The following NR1I2 variants were observed in gnomAD, a reference collection of about 807,000 sequenced individuals.
NR1I2 encodes orphan nuclear receptor PAR1.
A neutral mutation model predicts 43.3 loss-of-function variants in NR1I2; 42 were observed. That is an observed-to-expected ratio of 0.97 (90% CI 0.76 to 1.26). The LOEUF (loss-of-function observed/expected upper bound fraction) is 1.26. Ranked by LOEUF, NR1I2 falls within the 50% of genes most tolerant of loss-of-function variation. NR1I2 has a pLI of 0.00. For synonymous variants in NR1I2, 229 were observed against 215.0 expected (o/e 1.06, Z -0.57); for missense variants, 559 against 566.7 (o/e 0.99, Z 0.14).
At chr3:119,789,745 C>A (rs1399859544) in intron 1 of NR1I2, among the ~76,000 whole-genome samples, 2 of 152,182 alleles carry the variant, frequency 1.3e-5, no homozygotes, top group African/African-American at 2.4e-5. Context: ...CCTGCCTTCT[C>A]TCTGAGTGCA....
At chr3:119,782,979 G>A (rs2054797377) in intron 1 of NR1I2, 3 of 793,450 alleles carry the variant, frequency 3.8e-6, no homozygotes, top group African/African-American at 3.4e-5. Flanking sequence ...TGAAGCTATG[G>A]CCAGAGGCAC....
intron 1 of NR1I2, among the ~76,000 whole-genome samples, chr3:119,801,269 C>T (rs987610309): frequency 1.4e-4 from 22 of 152,240 alleles, no homozygotes; most frequent in African/African-American, 4.8e-4. Flanking sequence ...AAAGCCCTCT[C>T]TGAAGAAGTG....
chr3:119,814,974 G>A lies in NR1I2; in HGVS notation c.795-5G>A. ...CTGTCCTCCCCTCCCCATCCTTGCT[G>A]CCAGGGACTTGCCCATCGAGGACCA... is the stretch of plus-strand genomic sequence containing the variant. On this transcript the variant is annotated splice_polypyrimidine_tract_variant and splice_region_variant and intron_variant, in intron 5 of 8. Coordinates refer to ENST00000393716, the MANE Select transcript of NR1I2 (RefSeq NM_003889.4). 6.2e-7 allele frequency: 1 copy of A among 1,614,082 alleles called. No individual in the cohort carries two copies. The highest frequency in any genetic ancestry group is 8.5e-7 in the Non-Finnish European group (1 of 1,180,026).
intron 1 of NR1I2, among the ~76,000 whole-genome samples, chr3:119,802,518 T>G (rs1236604000): frequency 6.6e-6 from 1 of 152,200 alleles, no homozygotes; most frequent in African/African-American, 2.4e-5. Flanking sequence ...CCATCTTCAA[T>G]TGTCCAAAGT....
At chr3:119,794,663 C>T (rs114799774) in intron 1 of NR1I2, among the ~76,000 whole-genome samples, 54 of 152,258 alleles carry the variant, frequency 3.5e-4, no homozygotes, top group African/African-American at 1.1e-3. Context: ...CCAGGCCAAG[C>T]GCCATGGTTC....
At chr3:119,784,717 C>T (rs2054820458) in intron 1 of NR1I2, among the ~76,000 whole-genome samples, 1 of 152,124 alleles carries the variant, frequency 6.6e-6, no homozygotes, top group Non-Finnish European at 1.5e-5. Flanking sequence ...TACATTATTT[C>T]AATACTATTT....
At chr3:119,789,424 A>AG (rs775960299) in intron 1 of NR1I2, among the ~76,000 whole-genome samples, 1 of 152,192 alleles carries the variant, frequency 6.6e-6, no homozygotes, top group Non-Finnish European at 1.5e-5. Flanking sequence ...ACATGGTGTC[A>AG]GGCAAGAGAG....
rs2055180152 is a variant in NR1I2, at chr3:119,807,596, A to G, written c.197+149A>G. 4.3e-6 allele frequency: 3 copies of G among 694,338 alleles called. No homozygotes were observed. In the African/African-American group the frequency reaches 5.3e-5, roughly 12 times the overall value. 43.0% of individuals were successfully genotyped at this position (694,338 alleles called of 1,614,324 possible). A position where few individuals can be genotyped will look rare whatever the true frequency, so the allele number is the denominator to read the frequency against. On this transcript the variant is annotated intron_variant, in intron 2 of 8. Transcript: ENST00000393716. ...GTAATTAGTCTCAAGGGAGCCATTT[A>G]TATCCCAGAGGAATCCTTCATCTTC...
At chr3:119,792,393 G>A in intron 1 of NR1I2, 1 of 1,323,132 alleles carries the variant, frequency 7.6e-7, no homozygotes, top group Non-Finnish European at 1.1e-6. Context: ...GGCTCAGCAG[G>A]ATGCAGAGAG....
At chr3:119,807,681 A>T (rs2055181154) in intron 2 of NR1I2, among the ~76,000 whole-genome samples, 1 of 152,242 alleles carries the variant, frequency 6.6e-6, no homozygotes, top group African/African-American at 2.4e-5. Flanking sequence ...TGGTTTCTCC[A>T]TGTGCTCTTG....
chr3:119,801,561 G>A (rs1327347483), intron 1 of NR1I2, among the ~76,000 whole-genome samples: 1 of 152,202 alleles, frequency 6.6e-6, no homozygotes, highest in Admixed American at 6.5e-5. Context: ...GCAGCTGCTG[G>A]GCTGGCTCCC....
Position 119,812,940 on chromosome 3 carries a change from CAA to C in NR1I2, c.776_777del (p.Lys259SerfsTer78). The C allele has an allele frequency of 6.2e-7, 1 of 1,613,824 alleles. No homozygotes were observed. Among genetic ancestry groups the C allele is most frequent in the Non-Finnish European group, 8.5e-7 (1 of 1,180,044 alleles). On this transcript the variant is annotated frameshift_variant, in exon 5 of 9. Transcript: ENST00000393716. LOFTEE classifies it high-confidence loss of function. ...TGTTCAAAGGCATCATCAGCTTTGC[CAA>C]AGTCATCTCCTACTTCAGGTAGGAC...
chr3:119,815,339 TC>T lies in NR1I2; in HGVS notation c.955del (p.Leu319TyrfsTer6). 9.3e-6 allele frequency: 15 copies of T among 1,613,928 alleles called. No homozygotes were observed. Among genetic ancestry groups the T allele is most frequent in the Non-Finnish European group, 1.3e-5 (15 of 1,179,912 alleles). Reference sequence around the variant, plus strand: ...CATCCACAGGTGGCTTCCAGCAACTTCTACTGGAGCCCATGCTGAAATTCCA... The same window carrying T: ...CATCCACAGGTGGCTTCCAGCAACTTTACTGGAGCCCATGCTGAAATTCCA... On this transcript the variant is annotated frameshift_variant, in exon 7 of 9. Coordinates refer to ENST00000393716, the MANE Select transcript of NR1I2 (RefSeq NM_003889.4). LOFTEE classifies it high-confidence loss of function.
At chr3:119,792,263 G>T in intron 1 of NR1I2, 1 of 1,541,658 alleles carries the variant, frequency 6.5e-7, no homozygotes, top group Non-Finnish European at 8.9e-7. Flanking sequence ...TGGTCTCCAG[G>T]CAGGTGAGCG....
At chr3:119,786,354 A>G (rs1162676695) in intron 1 of NR1I2, among the ~76,000 whole-genome samples, 1 of 152,082 alleles carries the variant, frequency 6.6e-6, no homozygotes. Context: ...TAGGTGGCAC[A>G]ATTTGAAGGG....
chr3:119,805,260 T>C (rs1352296854), intron 1 of NR1I2, among the ~76,000 whole-genome samples: 3 of 152,170 alleles, frequency 2.0e-5, no homozygotes, highest in African/African-American at 2.4e-5. Context: ...TTTGTTTTGT[T>C]TTGTTTTGCT....
At chr3:119,808,383 G>C (rs1392774424) in intron 2 of NR1I2, among the ~76,000 whole-genome samples, 1 of 152,242 alleles carries the variant, frequency 6.6e-6, no homozygotes, top group African/African-American at 2.4e-5. Context: ...ATCTTTCCCA[G>C]GAGTCCCCTC....
intron 1 of NR1I2, among the ~76,000 whole-genome samples, chr3:119,800,900 A>C (rs972226382): frequency 3.3e-5 from 5 of 152,246 alleles, no homozygotes; most frequent in African/African-American, 1.2e-4. Flanking sequence ...AAATGAAGAA[A>C]GTTTAATAAA....
At position 119,812,875 on chromosome 3, in the gene NR1I2, T is replaced by G. The variant is rs1450296477; in HGVS notation, c.709T>G (p.Phe237Val). The G allele has an allele frequency of 6.2e-7, 1 of 1,613,478 alleles. No individual in the cohort carries two copies. Among genetic ancestry groups the G allele is most frequent in the Admixed American group, 1.7e-5 (1 of 60,024 alleles). Residue 237 changes from phenylalanine (F) to valine (V), a missense_variant, in exon 5 of 9, where the codon TTC becomes GTC. Physicochemically the swap from Phe to Val is conservative, Grantham distance 50. Around this residue, in one of 3 missense-constraint regions of NR1I2, gnomAD observed 323 missense variants for 312.2 expected, o/e 1.03. Transcript: ENST00000393716. The stretch of plus-strand genomic sequence containing the variant: ...AGCCGACAGTGGCGGGAAAGAGATC[T>G]TCTCCCTGCTGCCCCACATGGCTGA...
Sources: allele counts gnomAD v4.1 joint callset (sites outside exome capture counted in the v4.1 genomes callset), GRCh38; gene constraint gnomAD v4.1.1; regional missense constraint gnomAD v4.1.1; transcripts MANE v1.5; gene names NCBI Gene and HGNC (gene_info 2026-07-23, HGNC 2026-07-21).